The following OSBPL10 variants were observed in gnomAD, a reference collection of about 807,000 sequenced individuals.
OSBPL10 encodes oxysterol binding protein like 10, also known as oxysterol-binding protein-related protein 10.
OSBPL10 carries 49 observed loss-of-function variants against 81.7 expected under a neutral mutation model. That is an observed-to-expected ratio of 0.60 (90% CI 0.48 to 0.76). The LOEUF (loss-of-function observed/expected upper bound fraction) is 0.76, where lower values mean the gene tolerates loss of function less well. OSBPL10 is among the 30% of genes least tolerant of loss of function. The pLI, the probability that OSBPL10 is intolerant of heterozygous loss-of-function variation, is 0.00. For synonymous variants in OSBPL10, 419 were observed against 383.6 expected, an observed-to-expected ratio of 1.09 and a Z score of -1.08; for missense variants, 923 against 987.8, an observed-to-expected ratio of 0.93 and a Z score of 0.88.
chr3:31,870,354 G>A (rs546316487), intron 3 of OSBPL10, among the ~76,000 whole-genome samples: 46 of 152,340 alleles, frequency 3.0e-4, no homozygotes, highest in African/African-American at 1.1e-3. Flanking sequence ...GCTTTCCCGC[G>A]GGGCAGGGCT....
chr3:31,887,985 G>T (rs1164049458), intron 1 of OSBPL10, among the ~76,000 whole-genome samples: 1 of 152,032 alleles, frequency 6.6e-6, no homozygotes, highest in Non-Finnish European at 1.5e-5. Flanking sequence ...TAAATTGTCA[G>T]AGGGTCCTCA....
At chr3:31,785,551 G>GC (rs1460498640) in intron 4 of OSBPL10, among the ~76,000 whole-genome samples, 1 of 152,176 alleles carries the variant, frequency 6.6e-6, no homozygotes, top group Non-Finnish European at 1.5e-5. Flanking sequence ...CGCAATGGAA[G>GC]GGGTTTTGGA....
In OSBPL10 at chr3:31,898,006, C is replaced by CAAAAAAAAAAAAAAA. The variant is rs58479197; in HGVS notation, c.282-18191_282-18177dup. On this transcript the variant is annotated intron_variant, in intron 1 of 11. Coordinates refer to ENST00000396556, the MANE Select transcript of OSBPL10 (RefSeq NM_017784.5). ...TTGGGTGACACAGCGAGAACTCTGT[C>CAAAAAAAAAAAAAAA]AAAAAAAAAAAAAAAAAAAAAAAAA... Among the ~76,000 whole-genome samples, 6 of 62,478 alleles carry CAAAAAAAAAAAAAAA rather than the reference C, an allele frequency of 9.6e-5. 1 individual carries two copies. In the East Asian group the frequency reaches 2.2e-3, roughly 23 times the overall value. 41.0% of individuals were successfully genotyped at this position (62,478 alleles called of 152,430 possible). A position where few individuals can be genotyped will look rare whatever the true frequency, so the allele number is the denominator to read the frequency against.
chr3:31,923,143 T>G (rs1696965624), intron 1 of OSBPL10, among the ~76,000 whole-genome samples: 1 of 152,112 alleles, frequency 6.6e-6, no homozygotes, highest in African/African-American at 2.4e-5. Context: ...GTAACCACTC[T>G]CCTCTTATTG....
At chr3:31,998,514 C>T (rs1005993908) in intron 2 of OSBPL10, among the ~76,000 whole-genome samples, 1 of 152,184 alleles carries the variant, frequency 6.6e-6, no homozygotes, top group South Asian at 2.1e-4. Flanking sequence ...CTTGGGATTG[C>T]AATGATGGAG....
rs1699767010 is a variant in OSBPL10, at chr3:32,064,870, T to G, written n.185+12526A>C. The stretch of plus-strand genomic sequence containing the variant: ...TCCTAGATACATGTGTGTTTTTTTG[T>G]TTTTTTCCCCCTTTCTCTTAGGCAT... On this transcript the variant is annotated intron_variant and non_coding_transcript_variant, in intron 1 of 3. Transcript: ENST00000479173. The G allele has an allele frequency of 3.2e-5, 3 of 93,536 alleles. 1 individual carries two copies. Among genetic ancestry groups the G allele is most frequent in the Admixed American group, 2.6e-4 (2 of 7,766 alleles). 5.8% of individuals were successfully genotyped at this position (93,536 alleles called of 1,614,324 possible). A position where few individuals can be genotyped will look rare whatever the true frequency, so the allele number is the denominator to read the frequency against.
intron 4 of OSBPL10, among the ~76,000 whole-genome samples, chr3:31,757,443 C>G (rs996565827): frequency 4.6e-5 from 7 of 152,092 alleles, no homozygotes; most frequent in Non-Finnish European, 7.4e-5. Context: ...ATCTACAAGC[C>G]GACACATCCT....
chr3:31,899,610 AC>A (rs1696172967), intron 1 of OSBPL10, among the ~76,000 whole-genome samples: 1 of 152,182 alleles, frequency 6.6e-6, no homozygotes, highest in Admixed American at 6.5e-5. Context: ...TGAGAGAACC[AC>A]TGGAACCCAG....
chr3:32,007,856 G>A (rs186305115), intron 2 of OSBPL10, among the ~76,000 whole-genome samples: 9 of 152,032 alleles, frequency 5.9e-5, no homozygotes, highest in East Asian at 1.9e-4. Context: ...ACAGGTGCCC[G>A]CGACCACCCT....
rs1698831439 is a variant in OSBPL10 at position 31,981,170 on chromosome 3, C to T, written c.10G>A (p.Ala4Thr). The T allele has an allele frequency of 3.4e-6, 5 of 1,477,726 alleles. No homozygotes were observed. The highest frequency in any genetic ancestry group is 3.6e-6 in the Non-Finnish European group (4 of 1,119,308). 91.5% of individuals were successfully genotyped at this position (1,477,726 alleles called of 1,614,324 possible). A position where few individuals can be genotyped will look rare whatever the true frequency, so the allele number is the denominator to read the frequency against. ...CCGCCGCCGTCTGTGCCCTGGACTG[C>T]CCTCTCCATGGTCCGTGGGCGCCCG... is the stretch of plus-strand genomic sequence containing the variant. MER[A>T]VQGTDGGGGS... Residue 4 changes from alanine to threonine, a missense_variant, in exon 1 of 12, where the codon GCA becomes ACA. Ala to Thr is a moderately conservative substitution (Grantham distance 58, BLOSUM62 0). This residue lies in a region of OSBPL10 where 514 missense variants were observed against 508.0 expected (regional missense o/e 1.01). Coordinates refer to ENST00000396556, the MANE Select transcript of OSBPL10 (RefSeq NM_017784.5). The surrounding 1 kb of genome is among the most constrained non-coding windows in gnomAD (Gnocchi z 4.5).
At chr3:31,923,863 TA>T (rs1323489396) in intron 1 of OSBPL10, among the ~76,000 whole-genome samples, 1 of 152,168 alleles carries the variant, frequency 6.6e-6, no homozygotes, top group East Asian at 1.9e-4. Context: ...AAAATATTCT[TA>T]AGTACACAAA....
intron 1 of OSBPL10, among the ~76,000 whole-genome samples, chr3:31,911,512 G>A (rs959953247): frequency 5.9e-5 from 9 of 151,976 alleles, no homozygotes; most frequent in Admixed American, 5.9e-4. Context: ...TCTACAACAG[G>A]GGTGTCCAAT....
intron 2 of OSBPL10, chr3:31,991,114 A>T (rs1327900408): frequency 5.7e-6 from 5 of 874,768 alleles, no homozygotes; most frequent in Non-Finnish European, 7.1e-6. Context: ...TTGACTTGAC[A>T]TTGAGTTCAA....
chr3:31,894,865 C>A (rs1380072867), intron 1 of OSBPL10, among the ~76,000 whole-genome samples: 1 of 152,198 alleles, frequency 6.6e-6, no homozygotes, highest in Non-Finnish European at 1.5e-5. Flanking sequence ...CCCAGCCTTC[C>A]TTTCACTTAG....
At chr3:31,901,478 C>T (rs987067198) in intron 1 of OSBPL10, among the ~76,000 whole-genome samples, 9 of 152,218 alleles carry the variant, frequency 5.9e-5, no homozygotes, top group African/African-American at 2.2e-4. Flanking sequence ...CTTCCCTACT[C>T]TTGGTCTGGC....
intron 8 of OSBPL10, among the ~76,000 whole-genome samples, chr3:31,679,325 G>C (rs965686011): frequency 6.6e-6 from 1 of 152,132 alleles, no homozygotes; most frequent in African/African-American, 2.4e-5. Flanking sequence ...TCACATTGAG[G>C]ACTTCACGCA....
chr3:31,924,519 G>A lies in OSBPL10; in HGVS notation c.282-44689C>T, dbSNP rs533094506. On this transcript the variant is annotated intron_variant, in intron 1 of 11. Coordinates refer to ENST00000396556, the MANE Select transcript of OSBPL10 (RefSeq NM_017784.5). ...AATCCTGGATAACAAAATCTCTCCC[G>A]TAAAATTGAAAACACAAGCCCAATT... 5.9e-5 allele frequency among the ~76,000 whole-genome samples: 9 copies of A among 152,200 alleles called. No homozygotes were observed. In the South Asian group the frequency reaches 6.2e-4, roughly 11 times the overall value.
At chr3:31,980,807 A>G (rs962725374) in intron 1 of OSBPL10, 92 bp downstream of exon 1, 11 of 1,352,666 alleles carry the variant, frequency 8.1e-6, no homozygotes, top group Non-Finnish European at 9.5e-6. Flanking sequence ...TCGCGCGCGC[A>G]CACACATACA....
intron 3 of OSBPL10, among the ~76,000 whole-genome samples, chr3:31,845,068 C>A (rs1190726343): frequency 6.6e-6 from 1 of 152,152 alleles, no homozygotes; most frequent in Non-Finnish European, 1.5e-5. Context: ...GGTGACAGAG[C>A]AAGACCCTGT....
Sources: gnomAD v4.1 joint callset for allele counts (sites outside exome capture counted in the v4.1 genomes callset) on GRCh38, gnomAD v4.1.1 for gene constraint, gnomAD v4.1.1 regional missense constraint, Gnocchi (gnomAD v3.1) non-coding constraint, MANE v1.5 for transcripts, NCBI Gene and HGNC (gene_info 2026-07-23, HGNC 2026-07-21) for gene names.